SLC35G4: variants seen among roughly 807,000 people sequenced by gnomAD.
SLC35G4 encodes the protein solute carrier family 35 member G4.
SLC35G4 carries 12 observed loss-of-function variants against 15.8 expected under a neutral mutation model. The ratio of observed to expected loss-of-function variants is 0.76; its 90% CI spans 0.49 to 1.23. The LOEUF is 1.23. SLC35G4 is among the 50% of genes most tolerant of loss of function. SLC35G4 has a pLI of 0.00. For synonymous variants in SLC35G4, 177 were observed against 186.5 expected (o/e 0.95, Z 0.41); for missense variants, 390 against 422.1 (o/e 0.92, Z 0.67).
chr18:11,609,973 C>T lies in SLC35G4; in HGVS notation c.378C>T (p.Pro126=). 1 of 1,613,998 alleles carries T rather than the reference C, an allele frequency of 6.2e-7. No individual in the cohort carries two copies. Among genetic ancestry groups the T allele is most frequent in the Non-Finnish European group, 8.5e-7 (1 of 1,179,870 alleles). The change falls in exon 1 of 1, where the codon CCC becomes CCT. Residue 126 remains proline (P), a synonymous_variant. Coordinates refer to ENST00000588001, the MANE Select transcript of SLC35G4 (RefSeq NM_001282300.2). Reference sequence around the variant, plus strand: ...CCTATAGTGCGGTTCAGGTGGTGCCCACTGGCAATGCTGCCACTGTTCGCA... The same window carrying T: ...CCTATAGTGCGGTTCAGGTGGTGCCTACTGGCAATGCTGCCACTGTTCGCA... ...GCAYSAVQVV[P]TGNAATVRKH... is the part of the protein sequence containing the mutation.
rs1165231077 is a variant in SLC35G4 at position 11,609,863 on chromosome 18, C to T, written c.268C>T (p.Arg90Cys). Residue 90 changes from arginine (R) to cysteine (C), a missense_variant, in exon 1 of 1, where the codon CGT becomes TGT. Arg to Cys is a radical substitution (Grantham distance 180). Around this residue, in one of 2 missense-constraint regions of SLC35G4, gnomAD observed 331 missense variants for 241.1 expected, o/e 1.37. Transcript: ENST00000588001. ...HLPIALLLKL[R>C]GDPLLGPPDI... Reference sequence around the variant, plus strand: ...CCCTATTGCCCTGCTACTTAAACTGCGTGGCGACCCCCTTCTGGGACCTCC... The same window carrying T: ...CCCTATTGCCCTGCTACTTAAACTGTGTGGCGACCCCCTTCTGGGACCTCC... 1.6e-5 allele frequency: 26 copies of T among 1,613,258 alleles called. No individual in the cohort carries two copies. The highest frequency in any genetic ancestry group is 1.2e-4 in the South Asian group (11 of 91,038).
chr18:11,609,760 C>A lies in SLC35G4; in HGVS notation c.165C>A (p.Gly55=), dbSNP rs563019092. 1 of 1,613,638 alleles carries A rather than the reference C, an allele frequency of 6.2e-7. No homozygotes were observed. The highest frequency in any genetic ancestry group is 8.5e-7 in the Non-Finnish European group (1 of 1,179,860). ...LGGGLPAGFV[G]PLSRMAYQAS... Reference sequence around the variant, plus strand: ...GGGGCCTGCCTGCTGGCTTCGTGGGCCCCCTTTCTCGTATGGCTTACCAGG... The same window carrying A: ...GGGGCCTGCCTGCTGGCTTCGTGGGACCCCTTTCTCGTATGGCTTACCAGG... Residue 55 remains glycine, a synonymous_variant, in exon 1 of 1, where the codon GGC becomes GGA. Coordinates refer to ENST00000588001, the MANE Select transcript of SLC35G4 (RefSeq NM_001282300.2).
chr18:11,609,996 G>C lies in SLC35G4; in HGVS notation c.401G>C (p.Arg134Pro), dbSNP rs536044464. ...CCCACTGGCAATGCTGCCACTGTTC[G>C]CAAACATTCTTCCACCGTCTGCTCC... The part of the protein sequence containing the change: ...VVPTGNAATV[R>P]KHSSTVCSAI... Residue 134 changes from arginine to proline, a missense_variant, in exon 1 of 1, where the codon CGC becomes CCC. Around this residue, in one of 2 missense-constraint regions of SLC35G4, gnomAD observed 331 missense variants for 241.1 expected, o/e 1.37. Transcript: ENST00000588001. 6.2e-7 allele frequency: 1 copy of C among 1,613,946 alleles called. No homozygotes were observed. Among genetic ancestry groups the C allele is most frequent in the African/African-American group, 1.3e-5 (1 of 75,042 alleles).
Position 11,609,921 on chromosome 18 carries a change from T to C in SLC35G4, c.326T>C (p.Leu109Pro). 2 of 1,614,002 alleles carry C rather than the reference T, an allele frequency of 1.2e-6. No homozygotes were observed. Among genetic ancestry groups the C allele is most frequent in the Non-Finnish European group, 1.7e-6 (2 of 1,179,860 alleles). The change falls in exon 1 of 1, where the codon CTG becomes CCG. Residue 109 changes from leucine (L) to proline (P), a missense_variant. Physicochemically the swap from Leu to Pro is moderately conservative, Grantham distance 98. This residue lies in a region of SLC35G4 where 331 missense variants were observed against 241.1 expected (regional missense o/e 1.37). Transcript: ENST00000588001. ...DIRGRTCFCA[L>P]LNVLNIGCAY... ...CGAGGCCGCACCTGCTTCTGTGCCC[T>C]GCTCAACGTCCTCAACATTGGATGT...
In SLC35G4 at chr18:11,610,155, T is replaced by A. The variant is rs752027158; in HGVS notation, c.560T>A (p.Val187Asp). 6.2e-7 allele frequency: 1 copy of A among 1,612,172 alleles called. No homozygotes were observed. The highest frequency in any genetic ancestry group is 1.1e-5 in the South Asian group (1 of 90,998). The change falls in exon 1 of 1, where the codon GTC becomes GAC. Residue 187 changes from valine to aspartate, a missense_variant. Physicochemically the swap from Val to Asp is radical, Grantham distance 152. Coordinates refer to ENST00000588001, the MANE Select transcript of SLC35G4 (RefSeq NM_001282300.2). ...LWTLQEGTTG[V>D]YTGLGYVQAF... ...ACACTACAGGAGGGGACCACGGGTG[T>A]CTACACCGGCCTGGGCTATGTGCAG...
Position 11,610,324 on chromosome 18 carries a change from C to G in SLC35G4, c.729C>G (p.Ser243=). The change falls in exon 1 of 1, where the codon TCC becomes TCG. Residue 243 remains serine (S), a synonymous_variant. Coordinates refer to ENST00000588001, the MANE Select transcript of SLC35G4 (RefSeq NM_001282300.2). The part of the protein sequence containing the change: ...GSVPGLFVLQ[S]PVLPSDLLSW... ...TGCCAGGCCTCTTTGTGCTGCAGTC[C>G]CCCGTGTTGCCCAGTGACCTCCTGA... is the stretch of plus-strand genomic sequence containing the variant. 6.2e-7 allele frequency: 1 copy of G among 1,602,080 alleles called. No homozygotes were observed.
Position 11,609,910 on chromosome 18 carries a change from C to T in SLC35G4, c.315C>T (p.Cys105=). 6.2e-7 allele frequency: 1 copy of T among 1,613,516 alleles called. No homozygotes were observed. The highest frequency in any genetic ancestry group is 8.5e-7 in the Non-Finnish European group (1 of 1,179,496). Residue 105 remains cysteine (C), a synonymous_variant, in exon 1 of 1, where the codon TGC becomes TGT. Coordinates refer to ENST00000588001, the MANE Select transcript of SLC35G4 (RefSeq NM_001282300.2). The part of the protein sequence containing the change: ...LGPPDIRGRT[C]FCALLNVLNI... Reference sequence around the variant, plus strand: ...CTCCTGACATCCGAGGCCGCACCTGCTTCTGTGCCCTGCTCAACGTCCTCA... The same window carrying T: ...CTCCTGACATCCGAGGCCGCACCTGTTTCTGTGCCCTGCTCAACGTCCTCA...
In SLC35G4 at chr18:11,609,992, G is replaced by T. The variant is rs1252193634; in HGVS notation, c.397G>T (p.Val133Phe). Residue 133 changes from valine (V) to phenylalanine (F), a missense_variant, in exon 1 of 1, where the codon GTT becomes TTT. Transcript: ENST00000588001. ...QVVPTGNAATVRKHSSTVCSA... is the reference protein window; with the variant it reads ...QVVPTGNAATFRKHSSTVCSA... ...GGTGCCCACTGGCAATGCTGCCACTGTTCGCAAACATTCTTCCACCGTCTG... is the reference window on the plus strand; with the variant it reads ...GGTGCCCACTGGCAATGCTGCCACTTTTCGCAAACATTCTTCCACCGTCTG... 6.2e-7 allele frequency: 1 copy of T among 1,613,954 alleles called. No individual in the cohort carries two copies.
At position 11,609,700 on chromosome 18, in the gene SLC35G4, T is replaced by C. The variant is rs773895436; in HGVS notation, c.105T>C (p.Asp35=). 6.2e-7 allele frequency: 1 copy of C among 1,613,990 alleles called. No homozygotes were observed. The highest frequency in any genetic ancestry group is 8.5e-7 in the Non-Finnish European group (1 of 1,180,006). ...GGCACCAGCGCTGCCAGCCCTCTGA[T>C]GCCACCAATGGCCTGCTGGTGGCCC... ...LHWHQRCQPS[D]ATNGLLVALL... The change falls in exon 1 of 1, where the codon GAT becomes GAC. Residue 35 remains aspartate (D), a synonymous_variant. Coordinates refer to ENST00000588001, the MANE Select transcript of SLC35G4 (RefSeq NM_001282300.2).
chr18:11,609,731 G>C lies in SLC35G4; in HGVS notation c.136G>C (p.Gly46Arg), dbSNP rs1475734898. The change falls in exon 1 of 1, where the codon GGT (glycine) becomes CGT (arginine). Residue 46 changes from glycine to arginine, a missense_variant. Coordinates refer to ENST00000588001, the MANE Select transcript of SLC35G4 (RefSeq NM_001282300.2). ...ATNGLLVALL[G>R]GGLPAGFVGP... is the part of the protein sequence containing the mutation. Reference sequence around the variant, plus strand: ...CAATGGCCTGCTGGTGGCCCTGCTGGGTGGGGGCCTGCCTGCTGGCTTCGT... The same window carrying C: ...CAATGGCCTGCTGGTGGCCCTGCTGCGTGGGGGCCTGCCTGCTGGCTTCGT... 1 of 1,613,778 alleles carries C rather than the reference G, an allele frequency of 6.2e-7. No individual in the cohort carries two copies. The highest frequency in any genetic ancestry group is 1.1e-5 in the South Asian group (1 of 91,058).
Position 11,610,317 on chromosome 18 carries a change from T to C in SLC35G4, c.722T>C (p.Leu241Pro), listed in dbSNP as rs139027363. 2,428 of 1,603,604 alleles carry C rather than the reference T, an allele frequency of 1.5e-3. 119 individuals are homozygous for C. In the African/African-American group the frequency reaches 0.028, roughly 19 times the overall value. ...GGCTCTGTGCCAGGCCTCTTTGTGCTGCAGTCCCCCGTGTTGCCCAGTGAC... is the reference window on the plus strand; with the variant it reads ...GGCTCTGTGCCAGGCCTCTTTGTGCCGCAGTCCCCCGTGTTGCCCAGTGAC... Reference protein sequence around the residue: ...LLGSVPGLFVLQSPVLPSDLL... With the variant: ...LLGSVPGLFVPQSPVLPSDLL... The change falls in exon 1 of 1, where the codon CTG becomes CCG. Residue 241 changes from leucine (L) to proline (P), a missense_variant. Physicochemically the swap from Leu to Pro is moderately conservative, Grantham distance 98. This residue lies in a region of SLC35G4 where 59 missense variants were observed against 181.0 expected (regional missense o/e 0.33). Transcript: ENST00000588001.
rs1391643772 is a variant in SLC35G4 at position 11,609,811 on chromosome 18, G to A, written c.216G>A (p.Leu72=). ...CTTCCAACCTGCCCTCGCTGGAGCT[G>A]GTCATCTGTCGATGCCTCTTCCACC... ...YQASNLPSLE[L]VICRCLFHLP... is the part of the protein sequence containing the mutation. The change falls in exon 1 of 1, where the codon CTG becomes CTA. Residue 72 remains leucine (L), a synonymous_variant. Transcript: ENST00000588001. 2 of 1,613,646 alleles carry A rather than the reference G, an allele frequency of 1.2e-6. No homozygotes were observed.
chr18:11,609,901 C>T lies in SLC35G4; in HGVS notation c.306C>T (p.Gly102=). 2 of 1,613,446 alleles carry T rather than the reference C, an allele frequency of 1.2e-6. No individual in the cohort carries two copies. Among genetic ancestry groups the T allele is most frequent in the African/African-American group, 2.7e-5 (2 of 75,004 alleles). ...TTCTGGGACCTCCTGACATCCGAGG[C>T]CGCACCTGCTTCTGTGCCCTGCTCA... ...DPLLGPPDIR[G]RTCFCALLNV... The change falls in exon 1 of 1, where the codon GGC becomes GGT. Residue 102 remains glycine (G), a synonymous_variant. Transcript: ENST00000588001.
rs1032474834 is a variant in SLC35G4, at chr18:11,610,382, A to C, written c.787A>C (p.Thr263Pro). Residue 263 changes from threonine (T) to proline (P), a missense_variant, in exon 1 of 1, where the codon ACC (threonine) becomes CCC (proline). Around this residue, in one of 2 missense-constraint regions of SLC35G4, gnomAD observed 59 missense variants for 181.0 expected, o/e 0.33. Coordinates refer to ENST00000588001, the MANE Select transcript of SLC35G4 (RefSeq NM_001282300.2). ...TTGTGTGGGGGCAGTGGGGATCCTCACCTTGGTCTCCTTCACATGTGTGGG... is the reference window on the plus strand; with the variant it reads ...TTGTGTGGGGGCAGTGGGGATCCTCCCCTTGGTCTCCTTCACATGTGTGGG... The part of the protein sequence containing the change: ...WSCVGAVGIL[T>P]LVSFTCVGYA... 5.6e-6 allele frequency: 9 copies of C among 1,599,608 alleles called. 1 individual carries two copies. The highest frequency in any genetic ancestry group is 2.8e-5 in the African/African-American group (2 of 71,272).
In SLC35G4 at chr18:11,610,469, A is replaced by G. The variant is rs376368875; in HGVS notation, c.874A>G (p.Met292Val). 138,233 of 1,134,546 alleles carry G rather than the reference A, an allele frequency of 0.12. 12,423 individuals are homozygous for G. The highest frequency in any genetic ancestry group is 0.34 in the East Asian group (10,012 of 29,358). 70.3% of individuals were successfully genotyped at this position (1,134,546 alleles called of 1,614,324 possible). A position where few individuals can be genotyped will look rare whatever the true frequency, so the allele number is the denominator to read the frequency against. ...VCAVLHSEVV[M>V]ALILQYFMLH... ...TGCTGTCCTGCATTCCGAGGTGGTG[A>G]TGGCCCTTATACTGCAGTATTTTAT... Residue 292 changes from methionine (M) to valine (V), a missense_variant, in exon 1 of 1, where the codon ATG becomes GTG. By Grantham distance (21) the Met-to-Val change is conservative. Coordinates refer to ENST00000588001, the MANE Select transcript of SLC35G4 (RefSeq NM_001282300.2).
Position 11,610,168 on chromosome 18 carries a change from G to A in SLC35G4, c.573G>A (p.Leu191=). 1 of 1,611,630 alleles carries A rather than the reference G, an allele frequency of 6.2e-7. No individual in the cohort carries two copies. The highest frequency in any genetic ancestry group is 2.2e-5 in the East Asian group (1 of 44,832). The change falls in exon 1 of 1, where the codon CTG becomes CTA. Residue 191 remains leucine, a synonymous_variant. Transcript: ENST00000588001. ...QEGTTGVYTG[L]GYVQAFLGGL... ...GGACCACGGGTGTCTACACCGGCCT[G>A]GGCTATGTGCAGGCTTTCCTGGGAG...
Position 11,610,410 on chromosome 18 carries a change from A to G in SLC35G4, c.815A>G (p.Tyr272Cys), listed in dbSNP as rs1367836868. 3.8e-6 allele frequency: 6 copies of G among 1,596,754 alleles called. No individual in the cohort carries two copies. The highest frequency in any genetic ancestry group is 4.3e-6 in the Non-Finnish European group (5 of 1,171,668). Residue 272 changes from tyrosine (Y) to cysteine (C), a missense_variant, in exon 1 of 1, where the codon TAT (tyrosine) becomes TGT (cysteine). By Grantham distance (194) the Tyr-to-Cys change is radical. Coordinates refer to ENST00000588001, the MANE Select transcript of SLC35G4 (RefSeq NM_001282300.2). ...LTLVSFTCVG[Y>C]AVTKAHPALV... is the part of the protein sequence containing the mutation. Reference sequence around the variant, plus strand: ...TTGGTCTCCTTCACATGTGTGGGCTATGCGGTCACCAAGGCCCACCCTGCC... The same window carrying G: ...TTGGTCTCCTTCACATGTGTGGGCTGTGCGGTCACCAAGGCCCACCCTGCC...
At position 11,609,879 on chromosome 18, in the gene SLC35G4, T is replaced by G. The variant is rs762004860; in HGVS notation, c.284T>G (p.Leu95Arg). Residue 95 changes from leucine (L) to arginine (R), a missense_variant, in exon 1 of 1, where the codon CTG becomes CGG. Leu to Arg is a moderately radical substitution (Grantham distance 102). This residue lies in a region of SLC35G4 where 331 missense variants were observed against 241.1 expected (regional missense o/e 1.37). Transcript: ENST00000588001. The stretch of plus-strand genomic sequence containing the variant: ...CTTAAACTGCGTGGCGACCCCCTTC[T>G]GGGACCTCCTGACATCCGAGGCCGC... ...LLLKLRGDPLLGPPDIRGRTC... is the reference protein window; with the variant it reads ...LLLKLRGDPLRGPPDIRGRTC... The G allele has an allele frequency of 1.1e-5, 17 of 1,613,298 alleles. 1 individual carries two copies. The Admixed American group carries it at 2.8e-4, about 27-fold the overall frequency.
rs561358106 is a variant in SLC35G4, at chr18:11,610,059, G to C, written c.464G>C (p.Ser155Thr). 906 of 1,613,986 alleles carry C rather than the reference G, an allele frequency of 5.6e-4. 7 individuals carry two copies. In the African/African-American group the frequency reaches 0.011, roughly 19 times the overall value. The change falls in exon 1 of 1, where the codon AGT becomes ACT. Residue 155 changes from serine (S) to threonine (T), a missense_variant. Physicochemically the swap from Ser to Thr is moderately conservative, Grantham distance 58. Around this residue, in one of 2 missense-constraint regions of SLC35G4, gnomAD observed 331 missense variants for 241.1 expected, o/e 1.37. Transcript: ENST00000588001. Reference sequence around the variant, plus strand: ...CTCTGCCTTGAGAGCCAGGTTCTCAGTGGCTACGACTGGTGTGGACTGTTG... The same window carrying C: ...CTCTGCCTTGAGAGCCAGGTTCTCACTGGCTACGACTGGTGTGGACTGTTG... Reference protein sequence around the residue: ...LTLCLESQVLSGYDWCGLLGS... With the variant: ...LTLCLESQVLTGYDWCGLLGS...
Sources: allele counts gnomAD v4.1 joint callset, GRCh38; gene constraint gnomAD v4.1.1; regional missense constraint gnomAD v4.1.1; transcripts MANE v1.5; gene names NCBI Gene and HGNC (gene_info 2026-07-23, HGNC 2026-07-21).